Variants in LGALS9B observed in about 807,000 individuals in gnomAD.
LGALS9B encodes the protein galectin-9B.
In LGALS9B, 8 loss-of-function variants were observed where a neutral mutation model predicts 35.9. The observed-to-expected ratio is 0.22, with a 90% CI of 0.13 to 0.40. The LOEUF (loss-of-function observed/expected upper bound fraction) is 0.40, where lower values mean the gene tolerates loss of function less well. Among genes scored for constraint, LGALS9B ranks in the 10% least tolerant of loss-of-function variants. The probability of loss-of-function intolerance (pLI) is 1.00; values close to 1 mark genes in which losing one functional copy is unlikely to be tolerated. For missense variants in LGALS9B, 101 were observed against 397.9 expected, an observed-to-expected ratio of 0.25 and a Z score of 6.35; for synonymous variants, 42 against 148.6, an observed-to-expected ratio of 0.28 and a Z score of 5.22.
intron 5 of LGALS9B, among the ~76,000 whole-genome samples, chr17:20,454,719 T>C (rs2039395004): frequency 7.0e-6 from 1 of 141,848 alleles, no homozygotes; most frequent in East Asian, 2.2e-4. Flanking sequence ...AGGCGTGTGC[T>C]GAGGGCAGGC....
chr17:20,451,035 T>C (rs2042643869), intron 10 of LGALS9B, among the ~76,000 whole-genome samples: 3 of 151,556 alleles, frequency 2.0e-5, no homozygotes, highest in Non-Finnish European at 3.0e-5. Flanking sequence ...GTTCATGCTT[T>C]AGTTTCCTTG....
chr17:20,467,123 T>C (rs1480356709), intron 1 of LGALS9B, among the ~76,000 whole-genome samples: 1 of 143,644 alleles, frequency 7.0e-6, no homozygotes, highest in Non-Finnish European at 1.5e-5. Flanking sequence ...CCCAGAAGCA[T>C]GCTTGCTTCC....
At chr17:20,464,745 C>A (rs2142427939) in intron 1 of LGALS9B, among the ~76,000 whole-genome samples, 1 of 151,718 alleles carries the variant, frequency 6.6e-6, no homozygotes, top group Non-Finnish European at 1.5e-5. Context: ...GCTCTGTACA[C>A]TAGCAATTCT....
chr17:20,464,793 T>C (rs2142428004), intron 1 of LGALS9B, among the ~76,000 whole-genome samples: 1 of 152,020 alleles, frequency 6.6e-6, no homozygotes, highest in East Asian at 2.0e-4. Context: ...TGTGCCCCAC[T>C]TCCCTCCTCT....
chr17:20,466,168 C>T (rs1324404961), intron 1 of LGALS9B, among the ~76,000 whole-genome samples: 2 of 151,978 alleles, frequency 1.3e-5, no homozygotes, highest in African/African-American at 4.8e-5. Flanking sequence ...CGCCCAACAC[C>T]GGCAGCCCGT....
intron 1 of LGALS9B, among the ~76,000 whole-genome samples, chr17:20,461,221 ACT>A (rs568521922): frequency 1.7e-4 from 26 of 151,100 alleles, no homozygotes; most frequent in African/African-American, 5.3e-4. Flanking sequence ...CTGAATCCTA[ACT>A]CTGCTGCTCC....
intron 1 of LGALS9B, among the ~76,000 whole-genome samples, chr17:20,464,103 T>TG (rs1229029678): frequency 1.6e-5 from 2 of 123,436 alleles, no homozygotes; most frequent in African/African-American, 6.6e-5. Flanking sequence ...GTTTTTTTTT[T>TG]TTTTTTTTTT....
chr17:20,455,418 C>T lies in LGALS9B; in HGVS notation c.445-20G>A, dbSNP rs369890002. ...GGGATTCTGTTAAAACAAAAGGCAC[C>T]GGCCGGTGAGGAGAAGCATTAATAG... On this transcript the variant is annotated intron_variant, in intron 4 of 10. Transcript: ENST00000423676. 1.7e-5 allele frequency: 23 copies of T among 1,351,232 alleles called. 5 individuals carry two copies. The highest frequency in any genetic ancestry group is 2.3e-5 in the East Asian group (1 of 43,794). 83.7% of individuals were successfully genotyped at this position (1,351,232 alleles called of 1,614,324 possible).
At chr17:20,464,939 G>A (rs1403606627) in intron 1 of LGALS9B, among the ~76,000 whole-genome samples, 3 of 152,134 alleles carry the variant, frequency 2.0e-5, no homozygotes, top group African/African-American at 7.2e-5. Context: ...GGCTGGCAGC[G>A]TTCTGAGAGG....
Position 20,455,493 on chromosome 17 carries a change from G to A in LGALS9B, c.445-95C>T, listed in dbSNP as rs1597495504. 3.0e-5 allele frequency: 32 copies of A among 1,080,194 alleles called. 4 individuals are homozygous for A. The highest frequency in any genetic ancestry group is 2.6e-4 in the South Asian group (19 of 73,560). The allele number at this position is 1,080,194 out of a possible 1,614,324, so 66.9% of individuals were successfully genotyped here. ...ATGCAGGGGCAGGAGGCAGAGAACA[G>A]GCAGGCAGGGGGATGCAGCAAGGGG... is the stretch of plus-strand genomic sequence containing the variant. On this transcript the variant is annotated intron_variant, in intron 4 of 10. Coordinates refer to ENST00000423676, the MANE Select transcript of LGALS9B (RefSeq NM_001367292.2).
At chr17:20,454,424 G>A (rs1418821163) in intron 5 of LGALS9B, among the ~76,000 whole-genome samples, 4 of 151,932 alleles carry the variant, frequency 2.6e-5, no homozygotes, top group Admixed American at 6.6e-5. Flanking sequence ...CCCTGGCTGC[G>A]AAAACCACAT....
chr17:20,460,259 A>T (rs1380934860), intron 2 of LGALS9B, 93 bp downstream of exon 2: 8 of 1,606,410 alleles, frequency 5.0e-6, no homozygotes, highest in Non-Finnish European at 6.8e-6. Flanking sequence ...GTGAGCTTGG[A>T]TGTTGTTGTT....
intron 4 of LGALS9B, among the ~76,000 whole-genome samples, chr17:20,455,617 AG>A (rs2042683834): frequency 7.3e-6 from 1 of 137,608 alleles, no homozygotes; most frequent in East Asian, 2.0e-4. Context: ...TTCCACCCGC[AG>A]GGGAGAGAGT....
At chr17:20,464,121 A>G (rs1270714427) in intron 1 of LGALS9B, among the ~76,000 whole-genome samples, 1 of 123,472 alleles carries the variant, frequency 8.1e-6, no homozygotes, top group South Asian at 3.0e-4. Flanking sequence ...TTTTTGAGAC[A>G]GGATCTCATT....
chr17:20,456,183 C>T (rs1468281553), intron 4 of LGALS9B, among the ~76,000 whole-genome samples: 2 of 152,130 alleles, frequency 1.3e-5, no homozygotes, highest in Non-Finnish European at 2.9e-5. Context: ...GATGACGAAA[C>T]TGAGGCTGAG....
At chr17:20,466,913 G>A (rs1477416484) in intron 1 of LGALS9B, among the ~76,000 whole-genome samples, 2 of 147,714 alleles carry the variant, frequency 1.4e-5, no homozygotes, top group Admixed American at 1.3e-4. Flanking sequence ...CAGTGTGTCA[G>A]GCACTGTTCA....
At chr17:20,454,389 C>T (rs2142412899) in intron 5 of LGALS9B, among the ~76,000 whole-genome samples, 1 of 150,068 alleles carries the variant, frequency 6.7e-6, no homozygotes, top group East Asian at 2.0e-4. Flanking sequence ...GTAGACTGTT[C>T]TTGCCCTGGC....
chr17:20,449,972 C>T lies in LGALS9B; in HGVS notation c.*1G>A, dbSNP rs2042635264. ...CCCCGGCCCCAGGGCCAGGGAGCCG[C>T]CTATGTCTGCACGTGGGTCAGCTGG... On this transcript the variant is annotated 3_prime_UTR_variant, in exon 11 of 11. Transcript: ENST00000423676. 1 of 1,138,344 alleles carries T rather than the reference C, an allele frequency of 8.8e-7. No individual in the cohort carries two copies. Among genetic ancestry groups the T allele is most frequent in the South Asian group, 1.2e-5 (1 of 80,182 alleles). The allele number at this position is 1,138,344 out of a possible 1,614,324, so 70.5% of individuals were successfully genotyped here. A position where few individuals can be genotyped will look rare whatever the true frequency, so the allele number is the denominator to read the frequency against.
chr17:20,458,962 A>AT (rs2042709188), intron 2 of LGALS9B, among the ~76,000 whole-genome samples: 1 of 151,104 alleles, frequency 6.6e-6, no homozygotes, highest in African/African-American at 2.4e-5. Flanking sequence ...ATATATATAT[A>AT]TTTAATTAGC....
Sources: allele counts gnomAD v4.1 joint callset (sites outside exome capture counted in the v4.1 genomes callset), GRCh38; gene constraint gnomAD v4.1.1; transcripts MANE v1.5; gene names NCBI Gene and HGNC (gene_info 2026-07-23, HGNC 2026-07-21).